CLHC1: variants seen among roughly 807,000 people sequenced by gnomAD.
The protein encoded by CLHC1 is clathrin heavy chain linker domain-containing protein 1.
In CLHC1, 72 loss-of-function variants were observed where a neutral mutation model predicts 69.5. The observed-to-expected ratio is 1.04, with a 90% CI of 0.86 to 1.26. The LOEUF (loss-of-function observed/expected upper bound fraction) is 1.26. Ranked by LOEUF, CLHC1 falls within the 50% of genes most tolerant of loss-of-function variation. The probability of loss-of-function intolerance (pLI) is 0.00; values close to 1 mark genes in which losing one functional copy is unlikely to be tolerated. For missense variants in CLHC1, 790 were observed against 679.3 expected (o/e 1.16, Z -1.81); for synonymous variants, 223 against 224.3 (o/e 0.99, Z 0.05).
In CLHC1 at chr2:55,175,765, T is replaced by C; in HGVS notation, c.*25A>G. 6.3e-7 allele frequency: 1 copy of C among 1,581,896 alleles called. No individual in the cohort carries two copies. The highest frequency in any genetic ancestry group is 8.7e-7 in the Non-Finnish European group (1 of 1,153,262). ...AGCATACATAAGGTGTTGTACAAGCTCCCTCAGCTGGTTAAGATATAGAAC... is the reference window on the plus strand; with the variant it reads ...AGCATACATAAGGTGTTGTACAAGCCCCCTCAGCTGGTTAAGATATAGAAC... On this transcript the variant is annotated 3_prime_UTR_variant, in exon 13 of 13. Coordinates refer to ENST00000401408, the MANE Select transcript of CLHC1 (RefSeq NM_152385.4).
In CLHC1 at chr2:55,175,893, T is replaced by C. The variant is rs1669342465; in HGVS notation, c.1658A>G (p.Lys553Arg). Residue 553 changes from lysine to arginine, a missense_variant, in exon 13 of 13, where the codon AAA becomes AGA. Physicochemically the swap from Lys to Arg is conservative, Grantham distance 26. Coordinates refer to ENST00000401408, the MANE Select transcript of CLHC1 (RefSeq NM_152385.4). ...ANICSQNGFD[K>R]LSNDITSILR... ...AATAGACGTGATGTCATTAGATAAT[T>C]TGTCAAAGCCATTCTGTGAACATAT... 1.2e-6 allele frequency: 2 copies of C among 1,613,920 alleles called. No homozygotes were observed. Among genetic ancestry groups the C allele is most frequent in the Non-Finnish European group, 1.7e-6 (2 of 1,179,926 alleles).
chr2:55,180,012 G>A (rs1168944340), intron 11 of CLHC1, among the ~76,000 whole-genome samples: 1 of 151,976 alleles, frequency 6.6e-6, no homozygotes, highest in Non-Finnish European at 1.5e-5. Context: ...AAGTTAGCCG[G>A]GCGTAGTGGC....
At chr2:55,209,953 C>T (rs1284636300) in intron 5 of CLHC1, 122 bp from the exon 6 acceptor site, 3 of 616,910 alleles carry the variant, frequency 4.9e-6, no homozygotes, top group Non-Finnish European at 8.4e-6. Flanking sequence ...ATAGTATGTA[C>T]TTATAGCTTA....
intron 2 of CLHC1, among the ~76,000 whole-genome samples, 164 bp downstream of exon 2, chr2:55,227,868 A>T (rs969847433): frequency 3.3e-5 from 5 of 151,160 alleles, no homozygotes; most frequent in African/African-American, 7.3e-5. Context: ...GACCAAATTT[A>T]CTCTCTTCAT....
Position 55,177,655 on chromosome 2 carries a change from T to C in CLHC1, c.1511A>G (p.Asp504Gly). 1 of 1,611,446 alleles carries C rather than the reference T, an allele frequency of 6.2e-7. No homozygotes were observed. Among genetic ancestry groups the C allele is most frequent in the South Asian group, 1.1e-5 (1 of 90,680 alleles). ...GLAILHLFSA[D>G]MKKVGIKLLQ... is the part of the protein sequence containing the mutation. ...TAGCTTAATGCCAACTTTTTTCATG[T>C]CTGCAGAGAACAGATGAAGTATAGC... Residue 504 changes from aspartate (D) to glycine (G), a missense_variant, in exon 12 of 13, where the codon GAC becomes GGC. Coordinates refer to ENST00000401408, the MANE Select transcript of CLHC1 (RefSeq NM_152385.4).
chr2:55,193,709 C>T (rs1347999169), intron 9 of CLHC1, among the ~76,000 whole-genome samples: 1 of 152,184 alleles, frequency 6.6e-6, no homozygotes, highest in Non-Finnish European at 1.5e-5. Flanking sequence ...AACAGATTAG[C>T]AATTCCTCAA....
At chr2:55,189,165 C>A (rs962276343) in intron 9 of CLHC1, among the ~76,000 whole-genome samples, 1 of 151,774 alleles carries the variant, frequency 6.6e-6, no homozygotes, top group African/African-American at 2.4e-5. Context: ...AACAATAATA[C>A]AAAGAAGTGT....
intron 9 of CLHC1, among the ~76,000 whole-genome samples, chr2:55,204,296 G>T (rs749844888): frequency 1.3e-5 from 2 of 151,992 alleles, no homozygotes; most frequent in African/African-American, 2.4e-5. Flanking sequence ...AAAAGAAAAG[G>T]CAAAAGATTT....
At chr2:55,215,721 C>T (rs968593470) in intron 4 of CLHC1, among the ~76,000 whole-genome samples, 10 of 152,072 alleles carry the variant, frequency 6.6e-5, no homozygotes, top group African/African-American at 2.2e-4. Context: ...ATTCTGCATG[C>T]CGTAGTAAAA....
chr2:55,203,207 A>C (rs1161412430), intron 9 of CLHC1, among the ~76,000 whole-genome samples: 2 of 152,214 alleles, frequency 1.3e-5, no homozygotes, highest in African/African-American at 4.8e-5. Flanking sequence ...GATTGGAAGA[A>C]TCAGTATTGT....
At chr2:55,197,558 G>A (rs1671544124) in intron 9 of CLHC1, among the ~76,000 whole-genome samples, 1 of 152,152 alleles carries the variant, frequency 6.6e-6, no homozygotes, top group Non-Finnish European at 1.5e-5. Flanking sequence ...TTTTAGGGGA[G>A]AAAGTAATGG....
rs575158067 is a variant in CLHC1, at chr2:55,174,206, T to C, written c.*1584A>G. On this transcript the variant is annotated 3_prime_UTR_variant, in exon 13 of 13. Transcript: ENST00000401408. ...TGCTTTTTAAACTATGCACATGTAT[T>C]ACTTTAAAAATGCTACGTTTTAGAA... 8.5e-5 allele frequency among the ~76,000 whole-genome samples: 13 copies of C among 152,330 alleles called. No homozygotes were observed. The highest frequency in any genetic ancestry group is 1.9e-4 in the Non-Finnish European group (13 of 68,024).
At chr2:55,219,230 G>C (rs949382706) in intron 3 of CLHC1, among the ~76,000 whole-genome samples, 1 of 152,142 alleles carries the variant, frequency 6.6e-6, no homozygotes, top group South Asian at 2.1e-4. Flanking sequence ...ATATATTAAT[G>C]AGTAGGTAAT....
intron 9 of CLHC1, among the ~76,000 whole-genome samples, chr2:55,205,955 A>G (rs1672401878): frequency 6.6e-6 from 1 of 152,094 alleles, no homozygotes; most frequent in South Asian, 2.1e-4. Context: ...GTATTATGTC[A>G]ATTTACCACA....
intron 9 of CLHC1, among the ~76,000 whole-genome samples, chr2:55,195,157 C>A (rs1263977224): frequency 6.6e-6 from 1 of 152,156 alleles, no homozygotes; most frequent in Non-Finnish European, 1.5e-5. Flanking sequence ...ATAACTCAAA[C>A]TTAGTATCCT....
In CLHC1 at chr2:55,217,665, T is replaced by G; in HGVS notation, c.365+146A>C. 6.5e-6 allele frequency: 3 copies of G among 461,782 alleles called. No homozygotes were observed. The East Asian group carries it at 1.1e-4, about 16-fold the overall frequency. The allele number at this position is 461,782 out of a possible 1,614,324, so 28.6% of individuals were successfully genotyped here. A position where few individuals can be genotyped will look rare whatever the true frequency, so the allele number is the denominator to read the frequency against. The stretch of plus-strand genomic sequence containing the variant: ...AGTAAACAATACAGTAACTTCAAGT[T>G]ACTAGGAGAAGGTAACATAAAAATG... On this transcript the variant is annotated intron_variant, in intron 4 of 12. Transcript: ENST00000401408.
At chr2:55,195,467 A>G (rs1031400636) in intron 9 of CLHC1, among the ~76,000 whole-genome samples, 24 of 152,216 alleles carry the variant, frequency 1.6e-4, no homozygotes, top group Admixed American at 1.6e-3. Context: ...GACTGAATAG[A>G]AGCCTCCAGT....
At chr2:55,218,567 A>C (rs1169333044) in intron 3 of CLHC1, 2 of 152,174 alleles carry the variant, frequency 1.3e-5, no homozygotes, top group Admixed American at 1.3e-4. Context: ...AAATCTCTGG[A>C]AGGATAACAG....
Position 55,203,041 on chromosome 2 carries a change from A to G in CLHC1, c.1006+3229T>C, listed in dbSNP as rs539461931. Among the ~76,000 whole-genome samples, 12 of 152,346 alleles carry G rather than the reference A, an allele frequency of 7.9e-5. No individual in the cohort carries two copies. In the South Asian group the frequency reaches 2.1e-3, roughly 26 times the overall value. On this transcript the variant is annotated intron_variant, in intron 9 of 12. Coordinates refer to ENST00000401408, the MANE Select transcript of CLHC1 (RefSeq NM_152385.4). ...ATTTAAAAAAGTAATCCTGCTTATA[A>G]TAGCCACAAATTAAATACCTAGAAT... is the stretch of plus-strand genomic sequence containing the variant.
Sources: allele counts gnomAD v4.1 joint callset (sites outside exome capture counted in the v4.1 genomes callset), GRCh38; gene constraint gnomAD v4.1.1; transcripts MANE v1.5; gene names NCBI Gene and HGNC (gene_info 2026-07-23, HGNC 2026-07-21).